The following CDH13 variants were observed in gnomAD, a reference collection of about 807,000 sequenced individuals.
CDH13 encodes cadherin-13.
In CDH13, 24 loss-of-function variants were observed where a neutral mutation model predicts 63.8. That is an observed-to-expected ratio of 0.38 (90% CI 0.27 to 0.53). The LOEUF (loss-of-function observed/expected upper bound fraction) is 0.53. Among genes scored for constraint, CDH13 ranks in the 20% least tolerant of loss-of-function variants. The pLI, the probability that CDH13 is intolerant of heterozygous loss-of-function variation, is 0.85. For missense variants in CDH13, 1,049 were observed against 903.1 expected, an observed-to-expected ratio of 1.16 and a Z score of -2.07; for synonymous variants, 503 against 355.3, an observed-to-expected ratio of 1.42 and a Z score of -4.67.
At chr16:82,881,692 C>A (rs2151205195) in intron 2 of CDH13, among the ~76,000 whole-genome samples, 1 of 152,280 alleles carries the variant, frequency 6.6e-6, no homozygotes, top group South Asian at 2.1e-4. Context: ...CATCTGGTAT[C>A]CATGGAGACA....
chr16:83,788,395 A>G (rs374332438), intron 13 of CDH13, among the ~76,000 whole-genome samples: 5 of 152,084 alleles, frequency 3.3e-5, no homozygotes, highest in African/African-American at 1.2e-4. Context: ...TTATTTTTAT[A>G]CAATATTTTT....
intron 8 of CDH13, among the ~76,000 whole-genome samples, chr16:83,614,273 A>C (rs1598371545): frequency 6.6e-6 from 1 of 152,304 alleles, no homozygotes; most frequent in East Asian, 1.9e-4. Context: ...GGCTTTTTCA[A>C]GGGTGGGTCT....
intron 2 of CDH13, among the ~76,000 whole-genome samples, chr16:83,031,344 C>T (rs374153046): frequency 4.9e-5 from 7 of 141,842 alleles, no homozygotes; most frequent in Non-Finnish European, 9.3e-5. Flanking sequence ...TATGTATACA[C>T]GTATATGGTA....
At chr16:82,979,302 A>G (rs1250879636) in intron 2 of CDH13, among the ~76,000 whole-genome samples, 1 of 151,896 alleles carries the variant, frequency 6.6e-6, no homozygotes, top group East Asian at 1.9e-4. Context: ...ACTTTTGGGG[A>G]CTGTTGGGAG....
rs541428150 is a variant in CDH13, at chr16:83,448,135, G to C, written c.782-38342G>C. On this transcript the variant is annotated intron_variant, in intron 6 of 13. Coordinates refer to ENST00000567109, the MANE Select transcript of CDH13 (RefSeq NM_001257.5). ...GATATAACTTTTAAATGATAGCTTT[G>C]TGTAGGTGATAGTGGAGCTGAGTGA... Among the ~76,000 whole-genome samples the C allele has an allele frequency of 1.4e-4, 22 of 152,272 alleles. No individual in the cohort carries two copies. The South Asian group carries it at 4.2e-3, about 29-fold the overall frequency.
At chr16:83,285,728 A>C (rs1046277387) in intron 5 of CDH13, among the ~76,000 whole-genome samples, 2 of 151,998 alleles carry the variant, frequency 1.3e-5, no homozygotes, top group African/African-American at 2.4e-5. Flanking sequence ...TTTGTGGGGG[A>C]GGGATGTTGA....
intron 1 of CDH13, among the ~76,000 whole-genome samples, chr16:82,734,855 G>A (rs1303201500): frequency 6.6e-6 from 1 of 152,214 alleles, no homozygotes; most frequent in African/African-American, 2.4e-5. Context: ...TTGAGAAGCT[G>A]AGAGCCGAGG....
chr16:83,760,302 A>G (rs940266429), intron 11 of CDH13, among the ~76,000 whole-genome samples: 1 of 152,226 alleles, frequency 6.6e-6, no homozygotes, highest in Non-Finnish European at 1.5e-5. Context: ...CATAGTATCA[A>G]CTAAAGCTGA....
intron 5 of CDH13, among the ~76,000 whole-genome samples, chr16:83,321,738 C>T (rs950067794): frequency 6.6e-6 from 1 of 152,072 alleles, no homozygotes; most frequent in Non-Finnish European, 1.5e-5. Flanking sequence ...TCGTGTTAGC[C>T]AGGATGGTCT....
chr16:83,112,782 C>T (rs544181219), intron 3 of CDH13, among the ~76,000 whole-genome samples: 5 of 152,142 alleles, frequency 3.3e-5, no homozygotes, highest in South Asian at 2.1e-4. Flanking sequence ...TCTTTAGCAT[C>T]GAGGTATCTA....
At chr16:83,098,211 T>C (rs567135626) in intron 3 of CDH13, among the ~76,000 whole-genome samples, 12 of 152,192 alleles carry the variant, frequency 7.9e-5, no homozygotes, top group Non-Finnish European at 1.8e-4. Flanking sequence ...CTTTAACTTA[T>C]CACAGTTCGT....
intron 6 of CDH13, among the ~76,000 whole-genome samples, chr16:83,415,518 A>G (rs1251777129): frequency 6.6e-6 from 1 of 152,228 alleles, no homozygotes; most frequent in Non-Finnish European, 1.5e-5. Flanking sequence ...GTCCTTAACA[A>G]AATACTAGCA....
intron 7 of CDH13, among the ~76,000 whole-genome samples, chr16:83,588,035 G>C (rs529589800): frequency 6.7e-6 from 1 of 150,206 alleles, no homozygotes; most frequent in African/African-American, 2.5e-5. Flanking sequence ...CTTCCATCCC[G>C]TACACCTGGA....
At chr16:83,661,351 G>T (rs576628327) in intron 8 of CDH13, among the ~76,000 whole-genome samples, 1 of 152,178 alleles carries the variant, frequency 6.6e-6, no homozygotes, top group East Asian at 1.9e-4. Context: ...GCTTGGCGTG[G>T]TGGCACATAC....
At chr16:83,275,825 G>T (rs2088969434) in intron 5 of CDH13, among the ~76,000 whole-genome samples, 1 of 152,160 alleles carries the variant, frequency 6.6e-6, no homozygotes, top group African/African-American at 2.4e-5. Flanking sequence ...GGGTAGCGGT[G>T]CAGGGAAGGA....
chr16:83,395,440 G>C (rs1000375885), intron 6 of CDH13, among the ~76,000 whole-genome samples: 1 of 152,082 alleles, frequency 6.6e-6, no homozygotes, highest in Non-Finnish European at 1.5e-5. Context: ...AGTGATGTCT[G>C]GAAGGTTTGA....
At chr16:83,613,084 T>C (rs1336250655) in intron 8 of CDH13, among the ~76,000 whole-genome samples, 1 of 152,216 alleles carries the variant, frequency 6.6e-6, no homozygotes, top group East Asian at 1.9e-4. Flanking sequence ...GGTTGCCAGT[T>C]ATTTTCTTAG....
At chr16:83,216,424 A>ATT (rs1567513983) in intron 4 of CDH13, among the ~76,000 whole-genome samples, 2 of 92,620 alleles carry the variant, frequency 2.2e-5, no homozygotes, top group Middle Eastern at 5.3e-3. Context: ...ATATATATAT[A>ATT]TATATATATA....
chr16:83,662,894 G>C (rs1913572160), intron 8 of CDH13, among the ~76,000 whole-genome samples: 1 of 152,146 alleles, frequency 6.6e-6, no homozygotes, highest in Non-Finnish European at 1.5e-5. Context: ...GGAGGATTGA[G>C]AGCAGGACTG....
Sources: allele counts gnomAD v4.1 joint callset (sites outside exome capture counted in the v4.1 genomes callset), GRCh38; gene constraint gnomAD v4.1.1; transcripts MANE v1.5; gene names NCBI Gene and HGNC (gene_info 2026-07-23, HGNC 2026-07-21).